Variants in FYCO1 observed in about 807,000 individuals in gnomAD.
The protein encoded by FYCO1 is FYVE and coiled-coil domain autophagy adaptor 1, also known as FYVE and coiled-coil domain-containing protein 1.
A neutral mutation model predicts 165.1 loss-of-function variants in FYCO1; 122 were observed. The ratio of observed to expected loss-of-function variants is 0.74; its 90% CI spans 0.64 to 0.86. The LOEUF (loss-of-function observed/expected upper bound fraction) is 0.86. Among genes scored for constraint, FYCO1 ranks in the 40% least tolerant of loss-of-function variants. The probability of loss-of-function intolerance (pLI) is 0.00; values close to 1 mark genes in which losing one functional copy is unlikely to be tolerated. For synonymous variants in FYCO1, 648 were observed against 742.5 expected, an observed-to-expected ratio of 0.87 and a Z score of 2.07; for missense variants, 1,702 against 1,810.3, an observed-to-expected ratio of 0.94 and a Z score of 1.09.
At chr3:45,930,075 T>A (rs1306404498) in intron 16 of FYCO1, among the ~76,000 whole-genome samples, 1 of 152,214 alleles carries the variant, frequency 6.6e-6, no homozygotes, top group Non-Finnish European at 1.5e-5. Context: ...TTCACATGAC[T>A]TCAGCTAGCT....
rs9864861 is a variant in FYCO1 at position 45,936,513 on chromosome 3, C to T, written c.3975G>A (p.Glu1325=). 3.1e-6 allele frequency: 5 copies of T among 1,613,942 alleles called. No homozygotes were observed. The highest frequency in any genetic ancestry group is 3.3e-5 in the Admixed American group (2 of 60,032). ...QDTTSTSLTP[E]DTEDMPVGQD... ...GCCCCACGGGCATGTCTTCAGTGTCCTCAGGCGTTAGCGAGGTTGATGTAG... is the reference window on the plus strand; with the variant it reads ...GCCCCACGGGCATGTCTTCAGTGTCTTCAGGCGTTAGCGAGGTTGATGTAG... Residue 1325 remains glutamate, a synonymous_variant, in exon 15 of 18, where the codon GAG becomes GAA. Coordinates refer to ENST00000296137, the MANE Select transcript of FYCO1 (RefSeq NM_024513.4).
At chr3:45,975,818 T>C (rs1262249005) in intron 4 of FYCO1, among the ~76,000 whole-genome samples, 1 of 152,204 alleles carries the variant, frequency 6.6e-6, no homozygotes, top group African/African-American at 2.4e-5. Flanking sequence ...AATGATGGTT[T>C]GTTTTTAAGG....
intron 14 of FYCO1, 148 bp from the exon 15 acceptor site, chr3:45,936,691 CAGATTTTGTGGGT>C (rs1703911133): frequency 1.4e-6 from 1 of 701,074 alleles, no homozygotes; most frequent in Non-Finnish European, 2.6e-6. Context: ...GAGACCCTGG[CAGATTTTGTGGGT>C]AGAGGGAGGG....
Position 45,962,394 on chromosome 3 carries a change from T to TG in FYCO1, c.3270-3dup, listed in dbSNP as rs1217342569. The TG allele has an allele frequency of 1.2e-6, 2 of 1,613,954 alleles. No homozygotes were observed. Among genetic ancestry groups the TG allele is most frequent in the African/African-American group, 2.7e-5 (2 of 74,906 alleles). On this transcript the variant is annotated splice_region_variant and splice_polypyrimidine_tract_variant and intron_variant, in intron 10 of 17. Coordinates refer to ENST00000296137, the MANE Select transcript of FYCO1 (RefSeq NM_024513.4). This position sits in a 1 kb window ranked among gnomAD's most constrained non-coding sequence, Gnocchi z 4.4. ...GCTTTTTCGAGTTCCTTCTGGGTCCTGGGGGAGGAGTGGTAAGTTTTCTTG... is the reference window on the plus strand; with the variant it reads ...GCTTTTTCGAGTTCCTTCTGGGTCCTGGGGGGAGGAGTGGTAAGTTTTCTTG...
intron 1 of FYCO1, 74 bp from the exon 2 acceptor site, chr3:45,985,096 C>T (rs1290158804): frequency 1.4e-6 from 1 of 694,568 alleles, no homozygotes; most frequent in East Asian, 2.7e-5. Context: ...GAGAACTCTG[C>T]TCTGGGCACA....
At position 45,966,378 on chromosome 3, in the gene FYCO1, C is replaced by T. The variant is rs1009952955; in HGVS notation, c.2956G>A (p.Glu986Lys). 2 of 1,614,132 alleles carry T rather than the reference C, an allele frequency of 1.2e-6. No homozygotes were observed. Among genetic ancestry groups the T allele is most frequent in the Middle Eastern group, 1.7e-4 (1 of 6,058 alleles). The part of the protein sequence containing the change: ...PGLQAQLAQA[E>K]QRAQSLQEAA... ...TCTTGGAGGCTCTGGGCCCGCTGCT[C>T]TGCCTGGGCGAGCTGGGCCTGCAGG... The change falls in exon 8 of 18, where the codon GAG becomes AAG. Residue 986 changes from glutamate (E) to lysine (K), a missense_variant. Coordinates refer to ENST00000296137, the MANE Select transcript of FYCO1 (RefSeq NM_024513.4).
chr3:45,976,906 T>C lies in FYCO1; in HGVS notation c.289-1561A>G, dbSNP rs566516753. Among the ~76,000 whole-genome samples, 387 of 152,316 alleles carry C rather than the reference T, an allele frequency of 2.5e-3. 2 individuals carry two copies. The highest frequency in any genetic ancestry group is 9.0e-3 in the African/African-American group (373 of 41,560). Reference sequence around the variant, plus strand: ...GTAAGACATTTCCCCATGTATGTTTTGGGTACAGCCAGGACACCTGGAAGT... The same window carrying C: ...GTAAGACATTTCCCCATGTATGTTTCGGGTACAGCCAGGACACCTGGAAGT... On this transcript the variant is annotated intron_variant, in intron 4 of 17. Transcript: ENST00000296137.
At chr3:45,974,491 T>C (rs985080612) in intron 5 of FYCO1, among the ~76,000 whole-genome samples, 1 of 152,186 alleles carries the variant, frequency 6.6e-6, no homozygotes, top group African/African-American at 2.4e-5. Flanking sequence ...GAAATATGAG[T>C]ACATCTCTAT....
At chr3:45,973,867 G>A (rs1217024181) in intron 5 of FYCO1, among the ~76,000 whole-genome samples, 1 of 151,930 alleles carries the variant, frequency 6.6e-6, no homozygotes, top group African/African-American at 2.4e-5. Context: ...AGGCCAGGGT[G>A]GGCAACATGG....
At position 45,962,178 on chromosome 3, in the gene FYCO1, C is replaced by A. The variant is rs755194074; in HGVS notation, c.3437+47G>T. On this transcript the variant is annotated intron_variant, in intron 11 of 17. Coordinates refer to ENST00000296137, the MANE Select transcript of FYCO1 (RefSeq NM_024513.4). The surrounding 1 kb of genome is among the most constrained non-coding windows in gnomAD (Gnocchi z 4.4). ...ACAGCTGCATTTCTTTAGAGAAAAA[C>A]CCCAGTGTGGGGAAAACCCCAGCTG... 1 of 1,600,946 alleles carries A rather than the reference C, an allele frequency of 6.2e-7. No homozygotes were observed. The highest frequency in any genetic ancestry group is 8.6e-7 in the Non-Finnish European group (1 of 1,167,988).
At position 45,968,355 on chromosome 3, in the gene FYCO1, C is replaced by G. The variant is rs1400859487; in HGVS notation, c.979G>C (p.Ala327Pro). The G allele has an allele frequency of 6.2e-7, 1 of 1,613,630 alleles. No homozygotes were observed. The highest frequency in any genetic ancestry group is 2.2e-5 in the East Asian group (1 of 44,878). The change falls in exon 8 of 18, where the codon GCA becomes CCA. Residue 327 changes from alanine to proline, a missense_variant. Ala to Pro is a conservative substitution (Grantham distance 27). Transcript: ENST00000296137. ...TCLQGLELGA[A>P]EKEEDYHTAL... ...GTGTGGTAGTCCTCCTCCTTCTCTG[C>G]TGCTCCTAGCTCCAGGCCCTGCAGG...
At chr3:45,940,077 T>C (rs1382575502) in intron 14 of FYCO1, among the ~76,000 whole-genome samples, 1 of 152,200 alleles carries the variant, frequency 6.6e-6, no homozygotes, top group African/African-American at 2.4e-5. Flanking sequence ...ATCTTTAAAT[T>C]TTGCTATCAA....
At chr3:45,980,353 G>GA (rs10711815) in intron 3 of FYCO1, among the ~76,000 whole-genome samples, 11 of 142,074 alleles carry the variant, frequency 7.7e-5, no homozygotes, top group Middle Eastern at 3.5e-3. Flanking sequence ...CTGTCTCAAA[G>GA]AAAAAAAAAA....
At chr3:45,942,974 C>G (rs963613975) in intron 14 of FYCO1, among the ~76,000 whole-genome samples, 13 of 152,120 alleles carry the variant, frequency 8.5e-5, no homozygotes, top group Non-Finnish European at 1.5e-4. Context: ...CTGTGTGCAC[C>G]AGGGCTTGTT....
intron 16 of FYCO1, among the ~76,000 whole-genome samples, chr3:45,929,390 C>T (rs1703479529): frequency 6.6e-6 from 1 of 152,210 alleles, no homozygotes; most frequent in Admixed American, 6.5e-5. Context: ...AGGGGAGAGG[C>T]CCACAGCCCA....
chr3:45,984,988 G>T lies in FYCO1; in HGVS notation c.-78C>A. On this transcript the variant is annotated 5_prime_UTR_variant, in exon 2 of 18. Coordinates refer to ENST00000296137, the MANE Select transcript of FYCO1 (RefSeq NM_024513.4). ...CTCAGAATTTCGGCCCTCGGTGGCT[G>T]TCTGCTCAGCAGTGGTCAGACTCCA... 1 of 1,431,026 alleles carries T rather than the reference G, an allele frequency of 7.0e-7. No individual in the cohort carries two copies. The highest frequency in any genetic ancestry group is 9.9e-7 in the Non-Finnish European group (1 of 1,013,244). 88.6% of individuals were successfully genotyped at this position (1,431,026 alleles called of 1,614,324 possible).
intron 14 of FYCO1, chr3:45,944,888 T>C (rs1324644927): frequency 2.0e-5 from 3 of 152,226 alleles, no homozygotes; most frequent in African/African-American, 7.2e-5. Flanking sequence ...TTTTTGCCCA[T>C]GTGAATCAAT....
chr3:45,978,094 A>T (rs1231256918), intron 4 of FYCO1, among the ~76,000 whole-genome samples: 1 of 152,192 alleles, frequency 6.6e-6, no homozygotes, highest in African/African-American at 2.4e-5. Context: ...CTGTCTAAAG[A>T]TCTGTTTGCA....
intron 1 of FYCO1, among the ~76,000 whole-genome samples, chr3:45,991,106 A>G (rs182321710): frequency 3.4e-4 from 52 of 152,244 alleles, no homozygotes; most frequent in Admixed American, 2.4e-3. Flanking sequence ...AAAAAATTCT[A>G]TTTCTCTGAT....
Sources: allele counts gnomAD v4.1 joint callset (sites outside exome capture counted in the v4.1 genomes callset), GRCh38; gene constraint gnomAD v4.1.1; non-coding constraint Gnocchi (gnomAD v3.1); transcripts MANE v1.5; gene names NCBI Gene and HGNC (gene_info 2026-07-23, HGNC 2026-07-21).